SASH1: variants seen among roughly 807,000 people sequenced by gnomAD.
The protein encoded by SASH1 is SAM and SH3 domain-containing protein 1.
SASH1 carries 44 observed loss-of-function variants against 125.2 expected under a neutral mutation model. The observed-to-expected ratio is 0.35, with a 90% CI of 0.28 to 0.45. The LOEUF (loss-of-function observed/expected upper bound fraction) is 0.45. Among genes scored for constraint, SASH1 ranks in the 20% least tolerant of loss-of-function variants. SASH1 has a pLI of 1.00. For synonymous variants in SASH1, 639 were observed against 649.1 expected (o/e 0.98, Z 0.24); for missense variants, 1,426 against 1,614.5 (o/e 0.88, Z 2.00).
intron 2 of SASH1, among the ~76,000 whole-genome samples, chr6:148,397,630 G>C (rs189916323): frequency 6.6e-4 from 101 of 152,302 alleles, no homozygotes; most frequent in Admixed American, 2.6e-3. Flanking sequence ...GTTGCTTCCT[G>C]TCCCTTCTAG....
rs1418750554 is a variant in SASH1 at position 148,388,969 on chromosome 6, AAG to A, written c.157-1162_157-1161del. Among the ~76,000 whole-genome samples the A allele has an allele frequency of 1.1e-4, 17 of 152,154 alleles. No individual in the cohort carries two copies. The East Asian group carries it at 3.1e-3, about 28-fold the overall frequency. On this transcript the variant is annotated intron_variant, in intron 1 of 19. Coordinates refer to ENST00000367467, the MANE Select transcript of SASH1 (RefSeq NM_015278.5). ...ATGTTGGGAGGTTAAAAAAAAAAAA[AAG>A]AGCTGGAGGAGAGGAGAGGTCTTTC...
At chr6:148,360,636 A>ACTCC (rs1782156463) in intron 1 of SASH1, among the ~76,000 whole-genome samples, 1 of 127,824 alleles carries the variant, frequency 7.8e-6, no homozygotes, top group Non-Finnish European at 1.7e-5. Flanking sequence ...GGCGTGAGCC[A>ACTCC]CCCCCCCGCC....
At chr6:148,460,072 G>A (rs891789322) in intron 4 of SASH1, among the ~76,000 whole-genome samples, 1 of 152,188 alleles carries the variant, frequency 6.6e-6, no homozygotes, top group South Asian at 2.1e-4. Flanking sequence ...ACAAAAGGAG[G>A]CAGGCTTGAT....
At chr6:148,374,302 G>C (rs1474762130) in intron 1 of SASH1, among the ~76,000 whole-genome samples, 6 of 152,210 alleles carry the variant, frequency 3.9e-5, no homozygotes, top group Non-Finnish European at 8.8e-5. Flanking sequence ...ATGGGAAGGA[G>C]GGGAGTAGGA....
At chr6:148,401,658 C>T (rs562900766) in intron 2 of SASH1, among the ~76,000 whole-genome samples, 3 of 152,262 alleles carry the variant, frequency 2.0e-5, no homozygotes, top group East Asian at 3.9e-4. Flanking sequence ...ATTTGTGCTA[C>T]AGCAATGTCA....
intron 2 of SASH1, among the ~76,000 whole-genome samples, chr6:148,422,978 C>T (rs773430565): frequency 2.6e-4 from 40 of 152,242 alleles, no homozygotes; most frequent in Middle Eastern, 3.4e-3. Context: ...CTCGCTCTGT[C>T]GCCAGGCTGG....
intron 4 of SASH1, among the ~76,000 whole-genome samples, chr6:148,462,696 C>T (rs1016973514): frequency 2.0e-5 from 3 of 152,174 alleles, no homozygotes; most frequent in African/African-American, 7.2e-5. Context: ...TAGCAATTTA[C>T]TCAAGAGCTG....
the SASH1 span, among the ~76,000 whole-genome samples, chr6:148,197,366 A>T: frequency 1.3e-5 from 2 of 152,228 alleles, no homozygotes; most frequent in Non-Finnish European, 2.9e-5. Context: ...TTCTGCAGAC[A>T]ACAGTCTATT....
intron 1 of SASH1, among the ~76,000 whole-genome samples, chr6:148,329,644 G>T (rs1401521785): frequency 6.6e-6 from 1 of 152,174 alleles, no homozygotes; most frequent in African/African-American, 2.4e-5. Context: ...GTGTATGTGT[G>T]TGTGTCTGTG....
chr6:148,237,100 T>G, the SASH1 span, among the ~76,000 whole-genome samples: 1 of 152,304 alleles, frequency 6.6e-6, no homozygotes, highest in African/African-American at 2.4e-5. Flanking sequence ...GTTATTCTGT[T>G]ATAGCAGCAG....
At chr6:148,366,058 A>G (rs1359649784) in intron 1 of SASH1, among the ~76,000 whole-genome samples, 1 of 151,928 alleles carries the variant, frequency 6.6e-6, no homozygotes, top group Non-Finnish European at 1.5e-5. Context: ...GGTTGCGGTG[A>G]GCCGAGGTGG....
intron 2 of SASH1, among the ~76,000 whole-genome samples, chr6:148,428,894 G>A (rs763856102): frequency 2.0e-5 from 3 of 152,014 alleles, no homozygotes; most frequent in South Asian, 2.1e-4. Context: ...AGTTTCACTC[G>A]GAAGAAAATT....
chr6:148,433,129 G>A (rs939537956), intron 2 of SASH1, among the ~76,000 whole-genome samples: 1 of 152,042 alleles, frequency 6.6e-6, no homozygotes, highest in African/African-American at 2.4e-5. Flanking sequence ...AAATGTTTGT[G>A]GAACTATTTT....
At chr6:148,360,785 T>C (rs1782169183) in intron 1 of SASH1, among the ~76,000 whole-genome samples, 1 of 152,232 alleles carries the variant, frequency 6.6e-6, no homozygotes, top group Non-Finnish European at 1.5e-5. Flanking sequence ...TACTAAGCTC[T>C]CTCCATACCT....
At chr6:148,264,176 CGAAAAAAAAAAA>C in the SASH1 span, among the ~76,000 whole-genome samples, 5 of 52,408 alleles carry the variant, frequency 9.5e-5, no homozygotes, top group East Asian at 1.0e-3. Flanking sequence ...TTATTTTGAC[CGAAAAAAAAAAA>C]AAAAAAAAAG....
chr6:148,302,645 A>ATG (rs1202036625), intron 1 of SASH1, among the ~76,000 whole-genome samples: 4 of 104,168 alleles, frequency 3.8e-5, no homozygotes, highest in South Asian at 3.7e-4. Context: ...GGTACATTAG[A>ATG]TGTGTGTGTA....
At chr6:148,266,849 T>A in the SASH1 span, among the ~76,000 whole-genome samples, 1 of 151,794 alleles carries the variant, frequency 6.6e-6, no homozygotes. Context: ...TAGGCTCAAG[T>A]GATCCTCCCA....
intron 1 of SASH1, among the ~76,000 whole-genome samples, chr6:148,294,889 T>C (rs1231172874): frequency 2.6e-5 from 4 of 152,222 alleles, no homozygotes. Flanking sequence ...CCCTGTGCTC[T>C]ATATTGACAT....
chr6:148,505,054 G>A (rs909379690), intron 8 of SASH1, among the ~76,000 whole-genome samples: 5 of 152,248 alleles, frequency 3.3e-5, no homozygotes, highest in South Asian at 2.1e-4. Context: ...TGGAACGAGG[G>A]CTTCCTTACC....
Sources: gnomAD v4.1 joint callset for allele counts (sites outside exome capture counted in the v4.1 genomes callset) on GRCh38, gnomAD v4.1.1 for gene constraint, MANE v1.5 for transcripts, NCBI Gene and HGNC (gene_info 2026-07-23, HGNC 2026-07-21) for gene names.